Variants in PELI2 observed in about 807,000 individuals in gnomAD.
PELI2 encodes E3 ubiquitin-protein ligase pellino homolog 2.
Under a neutral mutation model 42.3 loss-of-function variants are expected in PELI2, and 23 were observed. That is an observed-to-expected ratio of 0.54 (90% CI 0.39 to 0.77). The LOEUF (loss-of-function observed/expected upper bound fraction) is 0.77. Among genes scored for constraint, PELI2 ranks in the 30% least tolerant of loss-of-function variants. The pLI is 0.00. For missense variants in PELI2, 463 were observed against 553.2 expected (o/e 0.84, Z 1.64); for synonymous variants, 245 against 212.2 (o/e 1.15, Z -1.34).
chr14:56,251,450 A>G (rs1888341852), intron 2 of PELI2, among the ~76,000 whole-genome samples: 1 of 152,228 alleles, frequency 6.6e-6, no homozygotes. Context: ...CGCGAAGCTT[A>G]AATGACTTAA....
In PELI2 at chr14:56,296,662, C is replaced by G. The variant is rs765372224; in HGVS notation, c.759C>G (p.Leu253=). 2 of 1,614,028 alleles carry G rather than the reference C, an allele frequency of 1.2e-6. No homozygotes were observed. The highest frequency in any genetic ancestry group is 2.7e-5 in the African/African-American group (2 of 74,940). ...TCATTGACCTGTGTGGGGCCACTCTCCTCTGGAGAACAGCAGATGGGCTTT... is the reference window on the plus strand; with the variant it reads ...TCATTGACCTGTGTGGGGCCACTCTGCTCTGGAGAACAGCAGATGGGCTTT... ...GSLIDLCGAT[L]LWRTADGLFH... Residue 253 remains leucine, a synonymous_variant, in exon 6 of 6, where the codon CTC becomes CTG. Coordinates refer to ENST00000267460, the MANE Select transcript of PELI2 (RefSeq NM_021255.3).
At chr14:56,216,211 C>T (rs7161695) in intron 2 of PELI2, among the ~76,000 whole-genome samples, 60,550 of 151,704 alleles carry the variant, frequency 0.4, 12,888 homozygotes, top group South Asian at 0.53. Flanking sequence ...TTGTGGGGCT[C>T]CTTGGCCAGG....
intron 2 of PELI2, among the ~76,000 whole-genome samples, chr14:56,190,651 A>G (rs1885922900): frequency 6.6e-6 from 1 of 152,186 alleles, no homozygotes; most frequent in South Asian, 2.1e-4. Flanking sequence ...ACTTTCATGT[A>G]TCATTATATT....
chr14:56,233,627 C>CA (rs1415305531), intron 2 of PELI2, among the ~76,000 whole-genome samples: 2 of 152,100 alleles, frequency 1.3e-5, no homozygotes, highest in Non-Finnish European at 2.9e-5. Context: ...AAGACTTAAA[C>CA]GTAAGACCTA....
chr14:56,137,489 A>G (rs993379648), intron 1 of PELI2, among the ~76,000 whole-genome samples: 1 of 152,102 alleles, frequency 6.6e-6, no homozygotes, highest in African/African-American at 2.4e-5. Flanking sequence ...CTGGTTCCTT[A>G]TCACCTCCAG....
chr14:56,227,342 AC>A (rs1887392690), intron 2 of PELI2, among the ~76,000 whole-genome samples: 1 of 152,212 alleles, frequency 6.6e-6, no homozygotes, highest in Non-Finnish European at 1.5e-5. Context: ...AGAGTGCCCC[AC>A]TGGGGCTGGG....
rs958223473 is a variant in PELI2, at chr14:56,298,620, T to C, written c.*1454T>C. 7 of 152,678 alleles carry C rather than the reference T, an allele frequency of 4.6e-5. No homozygotes were observed. The highest frequency in any genetic ancestry group is 1.7e-4 in the African/African-American group (7 of 41,466). The allele number at this position is 152,678 out of a possible 1,614,324, so 9.5% of individuals were successfully genotyped here. ...TGATTCTAATGTACTATATCCATAC[T>C]TGAATTGGTTTTTTCGTATTTTGCC... On this transcript the variant is annotated 3_prime_UTR_variant, in exon 6 of 6. Transcript: ENST00000267460.
At chr14:56,196,138 T>C (rs779347207) in intron 2 of PELI2, among the ~76,000 whole-genome samples, 1 of 152,208 alleles carries the variant, frequency 6.6e-6, no homozygotes, top group Non-Finnish European at 1.5e-5. Context: ...ATTGTATAAA[T>C]AGGATTAATA....
chr14:56,295,781 G>A lies in PELI2; in HGVS notation c.697-819G>A, dbSNP rs920371972. ...AAACCCAGAGTCCACACTCCTGGCT[G>A]CTATAAATTTGTGGCCTTGAACAGT... is the stretch of plus-strand genomic sequence containing the variant. On this transcript the variant is annotated intron_variant, in intron 5 of 5. Coordinates refer to ENST00000267460, the MANE Select transcript of PELI2 (RefSeq NM_021255.3). Among the ~76,000 whole-genome samples, 4 of 152,310 alleles carry A rather than the reference G, an allele frequency of 2.6e-5. No individual in the cohort carries two copies. The East Asian group carries it at 7.8e-4, about 30-fold the overall frequency.
intron 1 of PELI2, among the ~76,000 whole-genome samples, chr14:56,148,005 A>C (rs898537283): frequency 3.3e-5 from 5 of 152,160 alleles, no homozygotes; most frequent in Non-Finnish European, 5.9e-5. Context: ...AGATTACTGA[A>C]TACTTTTGGG....
chr14:56,290,149 T>C (rs1889779613), intron 4 of PELI2, 119 bp from the exon 5 acceptor site: 4 of 706,300 alleles, frequency 5.7e-6, no homozygotes, highest in South Asian at 2.9e-5. Flanking sequence ...AAATAGAAAA[T>C]GAAAATTCAT....
chr14:56,224,239 C>T (rs1385064921), intron 2 of PELI2, among the ~76,000 whole-genome samples: 2 of 152,180 alleles, frequency 1.3e-5, no homozygotes, highest in African/African-American at 4.8e-5. Context: ...ATACTTGCTT[C>T]CATACAATGA....
chr14:56,174,306 C>T (rs1206996660), intron 1 of PELI2, among the ~76,000 whole-genome samples: 1 of 152,246 alleles, frequency 6.6e-6, no homozygotes, highest in Non-Finnish European at 1.5e-5. Context: ...CTGGTCTGGT[C>T]TTGCCTCTAA....
At chr14:56,211,600 C>CA (rs1185538149) in intron 2 of PELI2, among the ~76,000 whole-genome samples, 2 of 152,048 alleles carry the variant, frequency 1.3e-5, no homozygotes, top group Non-Finnish European at 2.9e-5. Flanking sequence ...TCATCAAGTG[C>CA]AAAATATATA....
chr14:56,124,036 C>T (rs983174933), intron 1 of PELI2, among the ~76,000 whole-genome samples: 2 of 152,092 alleles, frequency 1.3e-5, no homozygotes, highest in South Asian at 2.1e-4. Flanking sequence ...TTTAATTAAA[C>T]GTTTCTCCTG....
intron 1 of PELI2, among the ~76,000 whole-genome samples, chr14:56,123,002 C>A (rs114267630): frequency 4.6e-5 from 7 of 152,070 alleles, no homozygotes; most frequent in Admixed American, 3.9e-4. Flanking sequence ...AGGGTAAGAA[C>A]CTCTACAAAT....
chr14:56,290,182 A>G, intron 4 of PELI2, 86 bp from the exon 5 acceptor site: 5 of 1,040,898 alleles, frequency 4.8e-6, no homozygotes, highest in East Asian at 4.9e-5. Flanking sequence ...CTCTGCCTCT[A>G]TGCAATGTAT....
rs567188234 is a variant in PELI2, at chr14:56,133,473, C to T, written c.77+14736C>T. On this transcript the variant is annotated intron_variant, in intron 1 of 5. Transcript: ENST00000267460. ...AAAGACTCAGTATGTATGCACAGGG[C>T]ATGGCTTCTGAAAATAAGTCTATTA... is the stretch of plus-strand genomic sequence containing the variant. Among the ~76,000 whole-genome samples, 11 of 152,298 alleles carry T rather than the reference C, an allele frequency of 7.2e-5. No homozygotes were observed. The South Asian group carries it at 2.3e-3, about 32-fold the overall frequency.
intron 2 of PELI2, among the ~76,000 whole-genome samples, chr14:56,256,867 A>G (rs551225445): frequency 1.8e-4 from 27 of 152,324 alleles, no homozygotes; most frequent in Non-Finnish European, 2.1e-4. Flanking sequence ...TTCAGCGTGT[A>G]GGCTTCCATA....
Sources: allele counts gnomAD v4.1 joint callset (sites outside exome capture counted in the v4.1 genomes callset), GRCh38; gene constraint gnomAD v4.1.1; transcripts MANE v1.5; gene names NCBI Gene and HGNC (gene_info 2026-07-23, HGNC 2026-07-21).